Variants in CELSR2 observed in about 807,000 individuals in gnomAD.
CELSR2 encodes the protein EGF-like protein 2.
CELSR2 carries 81 observed loss-of-function variants against 251.6 expected under a neutral mutation model. The observed-to-expected ratio is 0.32, with a 90% confidence interval of 0.27 to 0.39. The LOEUF is 0.39. Among genes scored for constraint, CELSR2 ranks in the 10% least tolerant of loss-of-function variants. The pLI, the probability that CELSR2 is intolerant of heterozygous loss-of-function variation, is 1.00. For synonymous variants in CELSR2, 1,721 were observed against 1,670.5 expected, an observed-to-expected ratio of 1.03 and a Z score of -0.74; for missense variants, 3,365 against 3,947.7, an observed-to-expected ratio of 0.85 and a Z score of 3.96.
rs759892295 is a variant in CELSR2 at position 109,273,521 on chromosome 1, C to T, written c.8595C>T (p.Ser2865=). The change falls in exon 33 of 34, where the codon TCC becomes TCT. Residue 2865 remains serine (S), a synonymous_variant. Coordinates refer to ENST00000271332, the MANE Select transcript of CELSR2 (RefSeq NM_001408.3). ...CCCTGGAGCAATGCACAGGGTCTTCCCGGGGCTCCTCCGCTAGTGAGGGCA... is the reference window on the plus strand; with the variant it reads ...CCCTGGAGCAATGCACAGGGTCTTCTCGGGGCTCCTCCGCTAGTGAGGGCA... ...RLPLEQCTGS[S]RGSSASEGSR... The T allele has an allele frequency of 3.3e-5, 53 of 1,603,668 alleles. No homozygotes were observed. Among genetic ancestry groups the T allele is most frequent in the Non-Finnish European group, 4.5e-5 (53 of 1,175,608 alleles).
chr1:109,269,598 C>T lies in CELSR2; in HGVS notation c.6980+7C>T. ...TCTGGAACCATTCAATCCTGTGAGC[C>T]TGCACTGCCCTCGCCCCCTCAGGCT... is the stretch of plus-strand genomic sequence containing the variant. On this transcript the variant is annotated splice_region_variant and intron_variant, in intron 21 of 33. Coordinates refer to ENST00000271332, the MANE Select transcript of CELSR2 (RefSeq NM_001408.3). This position sits in a 1 kb window ranked among gnomAD's most constrained non-coding sequence, Gnocchi z 6.4. 1 of 1,613,984 alleles carries T rather than the reference C, an allele frequency of 6.2e-7. No homozygotes were observed. Among genetic ancestry groups the T allele is most frequent in the Non-Finnish European group, 8.5e-7 (1 of 1,179,900 alleles).
At position 109,269,056 on chromosome 1, in the gene CELSR2, T is replaced by G; in HGVS notation, c.6631+48T>G. ...GTTGGGAGCTGGACCCCAGTGTCTG[T>G]GCAGACTCCACAGAGAGCAGGGCCC... On this transcript the variant is annotated intron_variant, in intron 19 of 33. Transcript: ENST00000271332. The surrounding 1 kb of genome is among the most constrained non-coding windows in gnomAD (Gnocchi z 6.4). 2.5e-6 allele frequency: 4 copies of G among 1,600,034 alleles called. No homozygotes were observed. In the Admixed American group the frequency reaches 6.7e-5, roughly 27 times the overall value.
intron 1 of CELSR2, among the ~76,000 whole-genome samples, chr1:109,253,777 G>A (rs866347001): frequency 2.6e-5 from 4 of 152,224 alleles, no homozygotes; most frequent in Non-Finnish European, 4.4e-5. Flanking sequence ...GAGAGGAGGC[G>A]AGGCCAGGGC....
chr1:109,253,261 C>G lies in CELSR2; in HGVS notation c.3182C>G (p.Thr1061Ser). 6.2e-7 allele frequency: 1 copy of G among 1,613,508 alleles called. No homozygotes were observed. The highest frequency in any genetic ancestry group is 1.3e-5 in the African/African-American group (1 of 75,074). ...AHDPDISDSL[T>S]YSFERGNELS... ...GACCCTGATATCTCAGATAGTCTGA[C>G]TTACAGCTTTGAGCGGGGAAATGAA... The change falls in exon 1 of 34, where the codon ACT (threonine) becomes AGT (serine). Residue 1061 changes from threonine to serine, a missense_variant. Transcript: ENST00000271332.
intron 5 of CELSR2, among the ~76,000 whole-genome samples, 190 bp downstream of exon 5, chr1:109,262,086 G>A (rs531370112): frequency 6.6e-6 from 1 of 152,232 alleles, no homozygotes; most frequent in Non-Finnish European, 1.5e-5. Flanking sequence ...GATGCTCTCT[G>A]TTCCACTAGG....
In CELSR2 at chr1:109,265,837, C is replaced by G. The variant is rs1656170796; in HGVS notation, c.5830C>G (p.Pro1944Ala). The G allele has an allele frequency of 6.2e-7, 1 of 1,614,154 alleles. No individual in the cohort carries two copies. Among genetic ancestry groups the G allele is most frequent in the African/African-American group, 1.3e-5 (1 of 75,054 alleles). The change falls in exon 14 of 34, where the codon CCA becomes GCA. Residue 1944 changes from proline to alanine, a missense_variant. Physicochemically the swap from Pro to Ala is conservative, Grantham distance 27. Transcript: ENST00000271332. Reference sequence around the variant, plus strand: ...CTGTGACCCTGAGGATGGCCAGTGTCCATGCAAGCCAGGTGTCATCGGGCG... The same window carrying G: ...CTGTGACCCTGAGGATGGCCAGTGTGCATGCAAGCCAGGTGTCATCGGGCG... ...RVCDPEDGQC[P>A]CKPGVIGRQC...
chr1:109,255,070 A>C (rs1655804983), intron 1 of CELSR2, among the ~76,000 whole-genome samples: 1 of 152,136 alleles, frequency 6.6e-6, no homozygotes, highest in African/African-American at 2.4e-5. Flanking sequence ...AGTCTAGAGA[A>C]GGCTCGGGGC....
chr1:109,265,859 G>T lies in CELSR2; in HGVS notation c.5852G>T (p.Gly1951Val). The T allele has an allele frequency of 6.2e-7, 1 of 1,614,052 alleles. No homozygotes were observed. Among genetic ancestry groups the T allele is most frequent in the Non-Finnish European group, 8.5e-7 (1 of 1,179,992 alleles). Residue 1951 changes from glycine (G) to valine (V), a missense_variant, in exon 14 of 34, where the codon GGG becomes GTG. Gly to Val is a moderately radical substitution (Grantham distance 109, BLOSUM62 -3). Transcript: ENST00000271332. ...GQCPCKPGVI[G>V]RQCDRCDNPF... ...TGTCCATGCAAGCCAGGTGTCATCG[G>T]GCGTCAGTGTGACCGCTGTGACAAC...
At position 109,269,486 on chromosome 1, in the gene CELSR2, A is replaced by G. The variant is rs1490312999; in HGVS notation, c.6875A>G (p.Glu2292Gly). 2 of 1,613,956 alleles carry G rather than the reference A, an allele frequency of 1.2e-6. No homozygotes were observed. Among genetic ancestry groups the G allele is most frequent in the Non-Finnish European group, 1.7e-6 (2 of 1,180,020 alleles). The change falls in exon 21 of 34, where the codon GAG becomes GGG. Residue 2292 changes from glutamate to glycine, a missense_variant. By Grantham distance (98) the Glu-to-Gly change is moderately conservative. Around this residue, in one of 5 missense-constraint regions of CELSR2, gnomAD observed 2,093 missense variants for 2,382.8 expected, o/e 0.88. Coordinates refer to ENST00000271332, the MANE Select transcript of CELSR2 (RefSeq NM_001408.3). The surrounding 1 kb of genome is among the most constrained non-coding windows in gnomAD (Gnocchi z 6.4). ...VVSISVHDDE[E>G]LLPRALDKPV... is the part of the protein sequence containing the mutation. ...AGCATCAGCGTCCATGATGATGAGG[A>G]GCTTCTGCCCCGGGCCCTGGACAAA...
intron 14 of CELSR2, 65 bp downstream of exon 14, chr1:109,265,983 A>G: frequency 6.3e-7 from 1 of 1,583,516 alleles, no homozygotes; most frequent in Non-Finnish European, 8.6e-7. Context: ...ACCCCAGGAA[A>G]GCCAGGAAGG....
At position 109,252,450 on chromosome 1, in the gene CELSR2, G is replaced by A; in HGVS notation, c.2371G>A (p.Gly791Ser). 1 of 1,613,742 alleles carries A rather than the reference G, an allele frequency of 6.2e-7. No homozygotes were observed. Residue 791 changes from glycine to serine, a missense_variant, in exon 1 of 34, where the codon GGC (glycine) becomes AGC (serine). Coordinates refer to ENST00000271332, the MANE Select transcript of CELSR2 (RefSeq NM_001408.3). The surrounding 1 kb of genome is among the most constrained non-coding windows in gnomAD (Gnocchi z 4.8). Reference protein sequence around the residue: ...YTLAITARDNGIPQKSDTTYL... With the variant: ...YTLAITARDNSIPQKSDTTYL... ...CCTGGCCATTACTGCTCGGGACAAT[G>A]GCATTCCCCAGAAGTCCGACACCAC...
Position 109,267,690 on chromosome 1 carries a change from G to T in CELSR2, c.6108+48G>T, listed in dbSNP as rs373567549. On this transcript the variant is annotated intron_variant, in intron 16 of 33. Transcript: ENST00000271332. Reference sequence around the variant, plus strand: ...ATCTTTTCCCTGTCCTTCGTCCTGAGTCTCACTTGCCCCCACTCCCATCTT... The same window carrying T: ...ATCTTTTCCCTGTCCTTCGTCCTGATTCTCACTTGCCCCCACTCCCATCTT... 7.3e-4 allele frequency: 1,161 copies of T among 1,601,188 alleles called. 16 individuals are homozygous for T. In the South Asian group the frequency reaches 0.012, roughly 17 times the overall value.
chr1:109,273,644 G>C lies in CELSR2; in HGVS notation c.8718G>C (p.Thr2906=). ...TCGCCATGAGCATCAAGGCAGGCAC[G>C]GTGGATGAGGACTCGTCAGGCTCCG... ...MPIAMSIKAG[T]VDEDSSGSEF... The change falls in exon 33 of 34, where the codon ACG becomes ACC. Residue 2906 remains threonine (T), a synonymous_variant. Transcript: ENST00000271332. The C allele has an allele frequency of 6.7e-7, 1 of 1,499,760 alleles. No individual in the cohort carries two copies. Among genetic ancestry groups the C allele is most frequent in the East Asian group, 2.5e-5 (1 of 40,400 alleles). The allele number at this position is 1,499,760 out of a possible 1,614,324, so 92.9% of individuals were successfully genotyped here.
Position 109,262,364 on chromosome 1 carries a change from C to T in CELSR2, c.4464C>T (p.Asp1488=), listed in dbSNP as rs761756293. ...CTGTGGTGACCGTGGATGGCTGTGA[C>T]ACAGGAGTGGCCTTGCGCTTCGGAT... ...KVAVVTVDGC[D]TGVALRFGSV... The change falls in exon 6 of 34, where the codon GAC becomes GAT. Residue 1488 remains aspartate, a synonymous_variant. Transcript: ENST00000271332. 2.8e-5 allele frequency: 45 copies of T among 1,614,080 alleles called. No homozygotes were observed. Among genetic ancestry groups the T allele is most frequent in the Non-Finnish European group, 3.7e-5 (44 of 1,180,048 alleles).
rs1217527897 is a variant in CELSR2, at chr1:109,271,693, G to A, written c.7897G>A (p.Ala2633Thr). Residue 2633 changes from alanine (A) to threonine (T), a missense_variant, in exon 28 of 34, where the codon GCT becomes ACT. This residue lies in a region of CELSR2 where 2,093 missense variants were observed against 2,382.8 expected (regional missense o/e 0.88). Coordinates refer to ENST00000271332, the MANE Select transcript of CELSR2 (RefSeq NM_001408.3). The stretch of plus-strand genomic sequence containing the variant: ...CAGCCGCAAGCCCAGCCCTGACCCT[G>A]CTCTGACCACCAAGTCCACCCTGAC... The part of the protein sequence containing the change: ...ACSRKPSPDP[A>T]LTTKSTLTSS... The A allele has an allele frequency of 2.5e-6, 4 of 1,613,874 alleles. No individual in the cohort carries two copies. The highest frequency in any genetic ancestry group is 8.5e-7 in the Non-Finnish European group (1 of 1,180,044).
At position 109,271,661 on chromosome 1, in the gene CELSR2, T is replaced by C. The variant is rs1656376019; in HGVS notation, c.7865T>C (p.Leu2622Pro). Residue 2622 changes from leucine (L) to proline (P), a missense_variant, in exon 28 of 34, where the codon CTT (leucine) becomes CCT (proline). Physicochemically the swap from Leu to Pro is moderately conservative, Grantham distance 98 (BLOSUM62 -3). Coordinates refer to ENST00000271332, the MANE Select transcript of CELSR2 (RefSeq NM_001408.3). ...LSKEVRKALKLACSRKPSPDP... is the reference protein window; with the variant it reads ...LSKEVRKALKPACSRKPSPDP... ...AAGGAGGTCCGGAAAGCACTCAAGC[T>C]TGCCTGCAGCCGCAAGCCCAGCCCT... 6.2e-7 allele frequency: 1 copy of C among 1,613,990 alleles called. No homozygotes were observed. The highest frequency in any genetic ancestry group is 1.7e-5 in the Admixed American group (1 of 60,020).
chr1:109,269,362 G>T lies in CELSR2; in HGVS notation c.6813-62G>T, dbSNP rs75781599. The T allele has an allele frequency of 6.2e-7, 1 of 1,608,256 alleles. No homozygotes were observed. Among genetic ancestry groups the T allele is most frequent in the Non-Finnish European group, 8.5e-7 (1 of 1,176,846 alleles). The stretch of plus-strand genomic sequence containing the variant: ...TGAGTGCTGAGGCATGGAGGGGGTC[G>T]GGGGCGTCTCCCCAGTCATGTGACT... On this transcript the variant is annotated intron_variant, in intron 20 of 33. Transcript: ENST00000271332. The surrounding 1 kb of genome is among the most constrained non-coding windows in gnomAD (Gnocchi z 6.4).
intron 1 of CELSR2, 57 bp from the exon 2 acceptor site, chr1:109,258,375 A>C (rs1333812302): frequency 3.9e-6 from 5 of 1,281,224 alleles, no homozygotes; most frequent in Admixed American, 2.3e-5. Flanking sequence ...GTGGTGCAGG[A>C]ATATGCAGGC....
At chr1:109,265,342 C>A (rs1440608412) in intron 13 of CELSR2, 31 bp downstream of exon 13, 16 of 1,571,504 alleles carry the variant, frequency 1.0e-5, no homozygotes, top group Non-Finnish European at 1.4e-5. Flanking sequence ...TCCACTGTGG[C>A]CACTTGGGCC....
Sources: allele counts gnomAD v4.1 joint callset (sites outside exome capture counted in the v4.1 genomes callset), GRCh38; gene constraint gnomAD v4.1.1; regional missense constraint gnomAD v4.1.1; non-coding constraint Gnocchi (gnomAD v3.1); transcripts MANE v1.5; gene names NCBI Gene and HGNC (gene_info 2026-07-23, HGNC 2026-07-21).